EFCAB5: variants seen among roughly 807,000 people sequenced by gnomAD.
EFCAB5 encodes EF-hand calcium-binding domain-containing protein 5.
In EFCAB5, 131 loss-of-function variants were observed where a neutral mutation model predicts 167.9. The ratio of observed to expected loss-of-function variants is 0.78; its 90% confidence interval spans 0.68 to 0.90. EFCAB5 has a LOEUF of 0.90. Among genes scored for constraint, EFCAB5 ranks in the 40% least tolerant of loss-of-function variants. The pLI, the probability that EFCAB5 is intolerant of heterozygous loss-of-function variation, is 0.00. For missense variants in EFCAB5, 1,663 were observed against 1,745.2 expected, an observed-to-expected ratio of 0.95 and a Z score of 0.84; for synonymous variants, 574 against 602.8, an observed-to-expected ratio of 0.95 and a Z score of 0.70.
chr17:29,966,047 A>T (rs1437538882), intron 3 of EFCAB5, among the ~76,000 whole-genome samples: 1 of 152,040 alleles, frequency 6.6e-6, no homozygotes, highest in Non-Finnish European at 1.5e-5. Flanking sequence ...GTAGGCTTTT[A>T]AAAAAATCGT....
At chr17:29,950,246 A>T (rs1189924450) in intron 3 of EFCAB5, among the ~76,000 whole-genome samples, 1 of 151,908 alleles carries the variant, frequency 6.6e-6, no homozygotes, top group Non-Finnish European at 1.5e-5. Context: ...AATATATTTT[A>T]TCTTCCTTAT....
At chr17:29,953,039 A>T (rs2067543947) in intron 3 of EFCAB5, among the ~76,000 whole-genome samples, 1 of 152,288 alleles carries the variant, frequency 6.6e-6, no homozygotes, top group East Asian at 1.9e-4. Context: ...ACCTGGCCAG[A>T]ACAATCAGGC....
chr17:29,938,041 C>G (rs373103624), upstream of EFCAB5, among the ~76,000 whole-genome samples: 2 of 152,280 alleles, frequency 1.3e-5, no homozygotes, highest in East Asian at 3.9e-4. Context: ...AAGGGACCCA[C>G]CTTTCAATTA....
chr17:30,058,165 C>T (rs1457831267), intron 13 of EFCAB5, among the ~76,000 whole-genome samples: 2 of 152,124 alleles, frequency 1.3e-5, no homozygotes, highest in Non-Finnish European at 2.9e-5. Context: ...TTTTGAGAAG[C>T]AGATATGGAT....
intron 22 of EFCAB5, among the ~76,000 whole-genome samples, chr17:30,096,677 A>ATATATATATATATT (rs1193558323): frequency 3.3e-5 from 2 of 60,124 alleles, no homozygotes; most frequent in African/African-American, 1.7e-4. Flanking sequence ...ATATATATAT[A>ATATATATATATATT]TTTTTTTTTT....
At chr17:29,930,462 C>G (rs975923650) in intron 1 of EFCAB5, among the ~76,000 whole-genome samples, 1 of 152,052 alleles carries the variant, frequency 6.6e-6, no homozygotes, top group African/African-American at 2.4e-5. Context: ...GTGAGGGGTC[C>G]CAGGGCGGGG....
At chr17:30,046,736 G>A (rs891692919) in intron 8 of EFCAB5, among the ~76,000 whole-genome samples, 1 of 152,194 alleles carries the variant, frequency 6.6e-6, no homozygotes, top group African/African-American at 2.4e-5. Flanking sequence ...TCTCCTGTCT[G>A]AGAATATTAG....
chr17:30,086,915 C>A lies in EFCAB5; in HGVS notation c.3580-148C>A, dbSNP rs753932390. On this transcript the variant is annotated intron_variant, in intron 18 of 22. Transcript: ENST00000394835. Reference sequence around the variant, plus strand: ...CTCGAAAAAAAAAAATTATCCTGTTCTCTAATGGTACTAAGTAAAATGTCA... The same window carrying A: ...CTCGAAAAAAAAAAATTATCCTGTTATCTAATGGTACTAAGTAAAATGTCA... 1.8e-4 allele frequency: 106 copies of A among 578,444 alleles called. 1 individual carries two copies. Among genetic ancestry groups the A allele is most frequent in the Non-Finnish European group, 2.6e-4 (92 of 349,666 alleles). 35.8% of individuals were successfully genotyped at this position (578,444 alleles called of 1,614,324 possible). A position where few individuals can be genotyped will look rare whatever the true frequency, so the allele number is the denominator to read the frequency against.
intron 3 of EFCAB5, among the ~76,000 whole-genome samples, chr17:29,959,171 C>T (rs2067673462): frequency 6.6e-6 from 1 of 152,000 alleles, no homozygotes; most frequent in South Asian, 2.1e-4. Context: ...GATGTTTATT[C>T]AAGGCCCAAG....
chr17:30,006,489 T>C (rs909619021), intron 7 of EFCAB5, among the ~76,000 whole-genome samples: 3 of 152,296 alleles, frequency 2.0e-5, no homozygotes, highest in African/African-American at 7.2e-5. Context: ...CTTAATTTTT[T>C]CCCCCTAAAA....
At chr17:30,017,006 G>A (rs1198982690) in intron 7 of EFCAB5, among the ~76,000 whole-genome samples, 1 of 151,846 alleles carries the variant, frequency 6.6e-6, no homozygotes, top group African/African-American at 2.4e-5. Flanking sequence ...AGGAAGACCT[G>A]TCTCTACAAA....
At chr17:29,990,851 C>G (rs2068399698) in intron 4 of EFCAB5, among the ~76,000 whole-genome samples, 1 of 152,162 alleles carries the variant, frequency 6.6e-6, no homozygotes, top group South Asian at 2.1e-4. Flanking sequence ...CGAACAGTCA[C>G]TGGGGCAACT....
intron 1 of EFCAB5, among the ~76,000 whole-genome samples, chr17:29,930,964 G>T (rs1173880401): frequency 1.3e-5 from 2 of 152,134 alleles, no homozygotes; most frequent in African/African-American, 2.4e-5. Flanking sequence ...TGCTCGTTAA[G>T]CTTTCTTCTC....
At chr17:29,930,642 A>T (rs3936006) in intron 1 of EFCAB5, among the ~76,000 whole-genome samples, 1 of 151,740 alleles carries the variant, frequency 6.6e-6, no homozygotes, top group Non-Finnish European at 1.5e-5. Flanking sequence ...GCGCAGACAG[A>T]ACTGGGCTAG....
At chr17:30,063,842 CGCT>C (rs1377324255) in intron 14 of EFCAB5, among the ~76,000 whole-genome samples, 1 of 152,082 alleles carries the variant, frequency 6.6e-6, no homozygotes, top group Admixed American at 6.5e-5. Flanking sequence ...TAACATATGC[CGCT>C]GCTGCTGCTG....
chr17:30,029,545 T>C (rs1026945806), intron 7 of EFCAB5, among the ~76,000 whole-genome samples: 3 of 152,054 alleles, frequency 2.0e-5, no homozygotes, highest in African/African-American at 7.2e-5. Flanking sequence ...GCTGTCTGTA[T>C]ATAATTAGCA....
chr17:30,021,501 G>T (rs2151707465), intron 7 of EFCAB5, among the ~76,000 whole-genome samples: 1 of 148,424 alleles, frequency 6.7e-6, no homozygotes, highest in African/African-American at 2.4e-5. Context: ...TGAGAAAATG[G>T]AGTGATATAC....
intron 22 of EFCAB5, among the ~76,000 whole-genome samples, chr17:30,103,801 G>A (rs546519642): frequency 1.6e-4 from 25 of 152,282 alleles, no homozygotes; most frequent in African/African-American, 5.5e-4. Context: ...GATCACCTGA[G>A]GTCAGGAGTT....
At chr17:30,081,128 T>A in intron 17 of EFCAB5, 147 bp downstream of exon 17, 3 of 683,472 alleles carry the variant, frequency 4.4e-6, no homozygotes, top group Non-Finnish European at 7.2e-6. Flanking sequence ...AATGTATGTT[T>A]CAGTCTTTTG....
Sources: gnomAD v4.1 joint callset for allele counts (sites outside exome capture counted in the v4.1 genomes callset) on GRCh38, gnomAD v4.1.1 for gene constraint, MANE v1.5 for transcripts, NCBI Gene and HGNC (gene_info 2026-07-23, HGNC 2026-07-21) for gene names.